Variants in NFX1 observed in about 807,000 individuals in gnomAD.
NFX1 encodes nuclear transcription factor, X-box binding 1, also known as transcriptional repressor NF-X1.
NFX1 carries 69 observed loss-of-function variants against 137.2 expected under a neutral mutation model. The ratio of observed to expected loss-of-function variants is 0.50; its 90% CI spans 0.41 to 0.61. The LOEUF (loss-of-function observed/expected upper bound fraction) is 0.61, where lower values mean the gene tolerates loss of function less well. Ranked by LOEUF, NFX1 falls within the 20% of genes least tolerant of loss-of-function variation. The pLI is 0.00. For missense variants in NFX1, 1,167 were observed against 1,391.0 expected (o/e 0.84, Z 2.56); for synonymous variants, 495 against 474.1 (o/e 1.04, Z -0.57).
At chr9:33,303,706 C>T (rs1318416633) in intron 4 of NFX1, among the ~76,000 whole-genome samples, 2 of 152,190 alleles carry the variant, frequency 1.3e-5, no homozygotes, top group East Asian at 1.9e-4. Context: ...TAAACTCTAT[C>T]CTGGCATCTT....
chr9:33,325,406 G>C (rs1822545266), intron 9 of NFX1, among the ~76,000 whole-genome samples: 4 of 117,580 alleles, frequency 3.4e-5, no homozygotes, highest in South Asian at 5.6e-4. Flanking sequence ...GCTCACGCCT[G>C]TAATCCCAGC....
At chr9:33,327,244 C>T (rs78078622) in intron 9 of NFX1, among the ~76,000 whole-genome samples, 4 of 152,132 alleles carry the variant, frequency 2.6e-5, no homozygotes, top group East Asian at 3.9e-4. Context: ...GGGCTGATCC[C>T]GAACTCCTAG....
At chr9:33,358,730 A>ACAGCT (rs886809568) in intron 19 of NFX1, among the ~76,000 whole-genome samples, 1 of 135,318 alleles carries the variant, frequency 7.4e-6, no homozygotes, top group African/African-American at 2.8e-5. Context: ...TGGCACAATT[A>ACAGCT]CAGCTCACTG....
intron 10 of NFX1, among the ~76,000 whole-genome samples, chr9:33,331,021 C>T (rs1822786418): frequency 6.6e-6 from 1 of 152,052 alleles, no homozygotes; most frequent in Admixed American, 6.6e-5. Flanking sequence ...AAAAAATTAG[C>T]CAGGCACGGT....
intron 12 of NFX1, among the ~76,000 whole-genome samples, chr9:33,342,284 A>T (rs1823255663): frequency 6.6e-6 from 1 of 152,024 alleles, no homozygotes; most frequent in Admixed American, 6.6e-5. Context: ...ACACGGTGAA[A>T]CCTCGTCTCT....
chr9:33,333,329 T>A (rs1015757385), intron 11 of NFX1, among the ~76,000 whole-genome samples: 3 of 152,242 alleles, frequency 2.0e-5, no homozygotes, highest in Admixed American at 6.5e-5. Flanking sequence ...ACTTTTACGA[T>A]AAGGGTGTTT....
chr9:33,306,350 G>A (rs979619722), intron 4 of NFX1, among the ~76,000 whole-genome samples: 1 of 152,216 alleles, frequency 6.6e-6, no homozygotes, highest in African/African-American at 2.4e-5. Flanking sequence ...TGTGGATAAA[G>A]CCAGTTTGAG....
At chr9:33,349,638 C>A (rs941987287) in intron 15 of NFX1, among the ~76,000 whole-genome samples, 1 of 151,584 alleles carries the variant, frequency 6.6e-6, no homozygotes, top group African/African-American at 2.4e-5. Context: ...CAGCTTTTTC[C>A]TATGGTGAGG....
At chr9:33,313,225 T>G (rs886177191) in intron 6 of NFX1, among the ~76,000 whole-genome samples, 2 of 151,990 alleles carry the variant, frequency 1.3e-5, no homozygotes, top group Admixed American at 6.6e-5. Flanking sequence ...GGAATAGCCT[T>G]CAGTTCCTCA....
At chr9:33,347,689 GAAGAA>G (rs1429083216) in intron 15 of NFX1, 3 of 437,782 alleles carry the variant, frequency 6.9e-6, no homozygotes, top group South Asian at 4.9e-5. Flanking sequence ...CGTCTACCCA[GAAGAA>G]AAGAAGTCAT....
chr9:33,364,213 A>C lies in NFX1; in HGVS notation c.2972+105A>C, dbSNP rs1039137214. On this transcript the variant is annotated intron_variant, in intron 20 of 23. Coordinates refer to ENST00000379540, the MANE Select transcript of NFX1 (RefSeq NM_002504.6). ...CTCCTCCTGTGATTAAGCCAGTTCA[A>C]GTTTGTTTGTTTATCTATTGTAAGA... 7 of 683,498 alleles carry C rather than the reference A, an allele frequency of 1.0e-5. No individual in the cohort carries two copies. In the African/African-American group the frequency reaches 1.1e-4, roughly 11 times the overall value. The allele number at this position is 683,498 out of a possible 1,614,324, so 42.3% of individuals were successfully genotyped here. A position where few individuals can be genotyped will look rare whatever the true frequency, so the allele number is the denominator to read the frequency against.
intron 9 of NFX1, among the ~76,000 whole-genome samples, chr9:33,327,175 A>C (rs954342248): frequency 3.3e-5 from 5 of 152,166 alleles, no homozygotes; most frequent in African/African-American, 1.2e-4. Flanking sequence ...GCAAAAGCAG[A>C]TATTTTTGAG....
chr9:33,340,241 C>T (rs540803988), intron 12 of NFX1, among the ~76,000 whole-genome samples: 132 of 152,338 alleles, frequency 8.7e-4, no homozygotes, highest in Middle Eastern at 3.4e-3. Flanking sequence ...CCTAGGCAGA[C>T]GTTTCCAACC....
intron 5 of NFX1, among the ~76,000 whole-genome samples, chr9:33,308,266 A>AC (rs1821833036): frequency 6.6e-6 from 1 of 151,806 alleles, no homozygotes; most frequent in Admixed American, 6.6e-5. Context: ...ACAAAATGAG[A>AC]CCCCGTCTCT....
chr9:33,313,354 T>C (rs1315625235), intron 6 of NFX1, among the ~76,000 whole-genome samples: 1 of 151,902 alleles, frequency 6.6e-6, no homozygotes. Flanking sequence ...TTTGGGAGCC[T>C]GAGGCAGGAG....
intron 9 of NFX1, among the ~76,000 whole-genome samples, chr9:33,322,151 A>G (rs1427958441): frequency 6.6e-6 from 1 of 151,278 alleles, no homozygotes; most frequent in Non-Finnish European, 1.5e-5. Context: ...CAGTGAACTC[A>G]GATCATGCCA....
intron 1 of NFX1, among the ~76,000 whole-genome samples, chr9:33,292,577 C>T (rs1821201007): frequency 6.6e-6 from 1 of 152,184 alleles, no homozygotes. Context: ...AAAAATGGTG[C>T]CTCTGATCTT....
At position 33,367,600 on chromosome 9, in the gene NFX1, C is replaced by G. The variant is rs144224895; in HGVS notation, c.3271C>G (p.His1091Asp). ...ACGGCCTCCACCACCGATTCCTCATCACAGACATCAGTCAGACAAGTAAGA... is the reference window on the plus strand; with the variant it reads ...ACGGCCTCCACCACCGATTCCTCATGACAGACATCAGTCAGACAAGTAAGA... ...QARPPPPIPHHRHQSDKNPGS... is the reference protein window; with the variant it reads ...QARPPPPIPHDRHQSDKNPGS... The change falls in exon 23 of 24, where the codon CAC becomes GAC. Residue 1091 changes from histidine (H) to aspartate (D), a missense_variant. This residue lies in a region of NFX1 where 312 missense variants were observed against 312.8 expected (regional missense o/e 1.00). Coordinates refer to ENST00000379540, the MANE Select transcript of NFX1 (RefSeq NM_002504.6). 5 of 1,613,694 alleles carry G rather than the reference C, an allele frequency of 3.1e-6. No homozygotes were observed. In the African/African-American group the frequency reaches 6.7e-5, roughly 22 times the overall value.
At chr9:33,336,678 G>T (rs943918916) in intron 11 of NFX1, among the ~76,000 whole-genome samples, 1 of 152,210 alleles carries the variant, frequency 6.6e-6, no homozygotes, top group African/African-American at 2.4e-5. Context: ...ACAGCTCACT[G>T]CAGCCTTGAT....
Sources: gnomAD v4.1 joint callset for allele counts (sites outside exome capture counted in the v4.1 genomes callset) on GRCh38, gnomAD v4.1.1 for gene constraint, gnomAD v4.1.1 regional missense constraint, MANE v1.5 for transcripts, NCBI Gene and HGNC (gene_info 2026-07-23, HGNC 2026-07-21) for gene names.